The following KRAS variants were observed in gnomAD, a reference collection of about 807,000 sequenced individuals.
KRAS encodes KRas proto-oncogene, GTPase, also known as GTPase KRas.
A neutral mutation model predicts 21.0 loss-of-function variants in KRAS; 1 was observed. The ratio of observed to expected loss-of-function variants is 0.05; its 90% CI spans 0.02 to 0.23. KRAS has a LOEUF of 0.23. Ranked by LOEUF, KRAS falls within the 10% of genes least tolerant of loss-of-function variation. The pLI is 1.00. For synonymous variants in KRAS, 67 were observed against 72.5 expected (o/e 0.92, Z 0.39); for missense variants, 107 against 221.8 (o/e 0.48, Z 3.29).
At chr12:25,228,178 C>CTTTTTTTTTTTTTTTT (rs34584556) in intron 2 of KRAS, among the ~76,000 whole-genome samples, 2 of 76,780 alleles carry the variant, frequency 2.6e-5, no homozygotes, top group East Asian at 4.8e-4. Flanking sequence ...TTTCTTTCAT[C>CTTTTTTTTTTTTTTTT]TTTTTTTTTT....
chr12:25,214,016 GGTTA>G (rs1356358880), intron 4 of KRAS, among the ~76,000 whole-genome samples: 3 of 152,162 alleles, frequency 2.0e-5, no homozygotes, highest in Non-Finnish European at 2.9e-5. Context: ...AAACAGAAGA[GGTTA>G]GTTATTTCAA....
chr12:25,233,310 G>T (rs1277529206), intron 2 of KRAS, among the ~76,000 whole-genome samples: 1 of 152,104 alleles, frequency 6.6e-6, no homozygotes, highest in African/African-American at 2.4e-5. Flanking sequence ...CAACACCTTG[G>T]GAGGCCGAGA....
At chr12:25,228,162 T>A (rs909002876) in intron 2 of KRAS, among the ~76,000 whole-genome samples, 3 of 148,338 alleles carry the variant, frequency 2.0e-5, no homozygotes, top group African/African-American at 5.1e-5. Context: ...TGATTTTGGA[T>A]TTTTTTTTCT....
intron 2 of KRAS, among the ~76,000 whole-genome samples, chr12:25,241,012 A>G (rs991370891): frequency 1.1e-4 from 17 of 152,182 alleles, no homozygotes; most frequent in African/African-American, 4.1e-4. Flanking sequence ...CTTGGACTCC[A>G]TTAAGCAGCT....
intron 2 of KRAS, among the ~76,000 whole-genome samples, chr12:25,235,712 A>T (rs555059715): frequency 7.2e-5 from 11 of 152,288 alleles, no homozygotes; most frequent in African/African-American, 2.6e-4. Flanking sequence ...GAATGTAAAA[A>T]ACATAGAACA....
intron 2 of KRAS, among the ~76,000 whole-genome samples, chr12:25,233,129 C>A (rs7309862): frequency 0.77 from 116,992 of 152,032 alleles, 45,986 homozygotes; most frequent in East Asian, 0.9. Context: ...ACCACCACCA[C>A]CACCATCCCC....
intron 1 of KRAS, among the ~76,000 whole-genome samples, chr12:25,249,079 G>A (rs1257711672): frequency 2.6e-5 from 4 of 152,100 alleles, no homozygotes; most frequent in Non-Finnish European, 5.9e-5. Context: ...ATAACAATTA[G>A]AAAACCTGTC....
At chr12:25,218,207 A>G (rs1328158637) in intron 4 of KRAS, among the ~76,000 whole-genome samples, 1 of 150,960 alleles carries the variant, frequency 6.6e-6, no homozygotes, top group South Asian at 2.1e-4. Flanking sequence ...TTTTCTAAGA[A>G]TGTAAACTTC....
intron 1 of KRAS, 123 bp from the exon 2 acceptor site, chr12:25,245,518 CAA>C: frequency 1.0e-6 from 1 of 996,088 alleles, no homozygotes; most frequent in Non-Finnish European, 1.5e-6. Flanking sequence ...AAAATTATTT[CAA>C]AATACCTTAC....
chr12:25,210,034 G>T (rs2141481883), intron 4 of KRAS, 123 bp from the exon 5 acceptor site: 1 of 673,158 alleles, frequency 1.5e-6, no homozygotes, highest in East Asian at 2.7e-5. Context: ...TCAGGCAACT[G>T]AATATATATT....
intron 4 of KRAS, among the ~76,000 whole-genome samples, chr12:25,223,091 T>C (rs895185283): frequency 1.4e-4 from 21 of 152,166 alleles, no homozygotes; most frequent in African/African-American, 5.1e-4. Flanking sequence ...TAAGAAAATA[T>C]AAGAAGCACT....
Position 25,205,263 on chromosome 12 carries a change from TATTAC to T in KRAS, c.*4527_*4531del, listed in dbSNP as rs747897344. On this transcript the variant is annotated 3_prime_UTR_variant, in exon 5 of 5. Transcript: ENST00000311936. Reference sequence around the variant, plus strand: ...CACTCATAGTCACTGTAACTATTTTTATTACATTACAATAATTAGGAGTAGTACAG... The same window carrying T: ...CACTCATAGTCACTGTAACTATTTTTATTACAATAATTAGGAGTAGTACAG... 6.0e-5 allele frequency: 13 copies of T among 215,032 alleles called. No homozygotes were observed. Among genetic ancestry groups the T allele is most frequent in the Middle Eastern group, 1.4e-3 (1 of 708 alleles). 13.3% of individuals were successfully genotyped at this position (215,032 alleles called of 1,614,324 possible). A position where few individuals can be genotyped will look rare whatever the true frequency, so the allele number is the denominator to read the frequency against.
At chr12:25,250,526 C>T (rs911047550) in intron 1 of KRAS, among the ~76,000 whole-genome samples, 7 of 152,142 alleles carry the variant, frequency 4.6e-5, no homozygotes, top group African/African-American at 7.2e-5. Flanking sequence ...CCAGCCTCAC[C>T]CTCCTCAGCC....
intron 2 of KRAS, among the ~76,000 whole-genome samples, chr12:25,237,229 G>A (rs1201063347): frequency 2.0e-5 from 3 of 152,136 alleles, no homozygotes; most frequent in African/African-American, 7.2e-5. Context: ...AGTTTTTAGA[G>A]GCTGGTGGGA....
chr12:25,229,065 C>G (rs117718195), intron 2 of KRAS, among the ~76,000 whole-genome samples: 9,397 of 151,904 alleles, frequency 0.062, 390 homozygotes, highest in Non-Finnish European at 0.093. Flanking sequence ...CTCAAAAAAA[C>G]AAAAACAAAA....
chr12:25,240,309 T>C (rs1176591084), intron 2 of KRAS, among the ~76,000 whole-genome samples: 2 of 152,228 alleles, frequency 1.3e-5, no homozygotes, highest in Non-Finnish European at 2.9e-5. Context: ...CATGATTGCC[T>C]AGAAACACTG....
At chr12:25,245,954 G>C (rs1407544650) in intron 1 of KRAS, among the ~76,000 whole-genome samples, 1 of 152,146 alleles carries the variant, frequency 6.6e-6, no homozygotes, top group Non-Finnish European at 1.5e-5. Context: ...GATGAGAGTT[G>C]AGAGAATGAG....
intron 2 of KRAS, among the ~76,000 whole-genome samples, chr12:25,230,936 T>C (rs1427598428): frequency 6.6e-6 from 1 of 152,018 alleles, no homozygotes; most frequent in African/African-American, 2.4e-5. Flanking sequence ...AGAACTCCTA[T>C]AGATCACAAA....
In KRAS at chr12:25,205,449, A is replaced by T. The variant is rs1201774404; in HGVS notation, c.*4346T>A. The T allele has an allele frequency of 4.6e-6, 1 of 215,088 alleles. No homozygotes were observed. Among genetic ancestry groups the T allele is most frequent in the Non-Finnish European group, 9.4e-6 (1 of 106,402 alleles). The allele number at this position is 215,088 out of a possible 1,614,324, so 13.3% of individuals were successfully genotyped here. On this transcript the variant is annotated 3_prime_UTR_variant, in exon 5 of 5. Transcript: ENST00000311936. The stretch of plus-strand genomic sequence containing the variant: ...CAACCAAATGATGGAAAACAACTGG[A>T]TCACACTGCATATGTCCCACAAAAG...
Sources: allele counts gnomAD v4.1 joint callset (sites outside exome capture counted in the v4.1 genomes callset), GRCh38; gene constraint gnomAD v4.1.1; transcripts MANE v1.5; gene names NCBI Gene and HGNC (gene_info 2026-07-23, HGNC 2026-07-21).